Variants in VAT1L observed in about 807,000 individuals in gnomAD.
VAT1L encodes vesicle amine transport 1 like.
Under a neutral mutation model 44.1 loss-of-function variants are expected in VAT1L, and 34 were observed. The observed-to-expected ratio is 0.77, with a 90% confidence interval of 0.59 to 1.03. VAT1L has a LOEUF of 1.03. Among genes scored for constraint, VAT1L ranks in the 50% least tolerant of loss-of-function variants. The probability of loss-of-function intolerance (pLI) is 0.00; values close to 1 mark genes in which losing one functional copy is unlikely to be tolerated. For synonymous variants in VAT1L, 253 were observed against 202.2 expected, an observed-to-expected ratio of 1.25 and a Z score of -2.13; for missense variants, 615 against 538.8, an observed-to-expected ratio of 1.14 and a Z score of -1.40.
intron 1 of VAT1L, among the ~76,000 whole-genome samples, chr16:77,794,648 G>C (rs1393774652): frequency 6.6e-6 from 1 of 152,178 alleles, no homozygotes; most frequent in Non-Finnish European, 1.5e-5. Context: ...GCATCCATGA[G>C]GTTAAGATGT....
intron 8 of VAT1L, among the ~76,000 whole-genome samples, chr16:77,972,657 T>G (rs1045392162): frequency 7.0e-4 from 107 of 152,164 alleles, no homozygotes; most frequent in African/African-American, 2.5e-3. Flanking sequence ...GTCAGGTGCC[T>G]GTAATCCCAG....
intron 7 of VAT1L, among the ~76,000 whole-genome samples, chr16:77,894,231 G>A (rs904267643): frequency 2.0e-5 from 3 of 152,232 alleles, no homozygotes; most frequent in Non-Finnish European, 2.9e-5. Flanking sequence ...CAGAAAGGCA[G>A]CAGTAAAGGA....
intron 1 of VAT1L, among the ~76,000 whole-genome samples, chr16:77,799,707 A>G (rs1258842494): frequency 1.3e-5 from 2 of 152,150 alleles, no homozygotes; most frequent in Non-Finnish European, 2.9e-5. Context: ...GTAAAAAGTG[A>G]AGAATCGGAG....
intron 3 of VAT1L, among the ~76,000 whole-genome samples, chr16:77,848,936 A>T (rs1272828655): frequency 1.3e-5 from 2 of 152,222 alleles, no homozygotes; most frequent in Non-Finnish European, 2.9e-5. Context: ...AAACTAACAC[A>T]GGAACAGAAA....
At chr16:77,917,509 A>G (rs1045059474) in intron 7 of VAT1L, among the ~76,000 whole-genome samples, 2 of 152,208 alleles carry the variant, frequency 1.3e-5, no homozygotes, top group African/African-American at 4.8e-5. Context: ...TCAACTTCAA[A>G]TCATTGCAAT....
chr16:77,825,574 G>T lies in VAT1L; in HGVS notation c.579+113G>T. On this transcript the variant is annotated intron_variant, in intron 3 of 8. Transcript: ENST00000302536. ...TCCTTTAGCAGGAATCATCACTATG[G>T]TTCTGGTAGAGTTCACATGGACAGC... 6.5e-6 allele frequency: 8 copies of T among 1,236,050 alleles called. No individual in the cohort carries two copies. The South Asian group carries it at 1.1e-4, about 17-fold the overall frequency. 76.6% of individuals were successfully genotyped at this position (1,236,050 alleles called of 1,614,324 possible).
chr16:77,817,196 A>T, intron 2 of VAT1L, 146 bp downstream of exon 2: 1 of 1,300,412 alleles, frequency 7.7e-7, no homozygotes, highest in Non-Finnish European at 1.0e-6. Context: ...CAATGTTTAT[A>T]GTCATTAAGG....
intron 1 of VAT1L, among the ~76,000 whole-genome samples, chr16:77,811,997 C>G (rs919526691): frequency 2.0e-5 from 3 of 152,070 alleles, no homozygotes; most frequent in African/African-American, 7.2e-5. Context: ...AACTCCACCG[C>G]TAATTGATGG....
At chr16:77,859,982 A>T (rs970061405) in intron 3 of VAT1L, among the ~76,000 whole-genome samples, 1 of 152,132 alleles carries the variant, frequency 6.6e-6, no homozygotes, top group Non-Finnish European at 1.5e-5. Context: ...AGGTCACTGG[A>T]GTGGGCCCTC....
intron 7 of VAT1L, among the ~76,000 whole-genome samples, chr16:77,908,100 G>A (rs2017456969): frequency 6.6e-6 from 1 of 152,034 alleles, no homozygotes; most frequent in African/African-American, 2.4e-5. Context: ...TCAGCCGGGT[G>A]TGGTGGCGGA....
rs1283072301 is a variant in VAT1L, at chr16:77,971,868, C to T, written c.1096C>T (p.Arg366Trp). The change falls in exon 8 of 9, where the codon CGG (arginine) becomes TGG (tryptophan). Residue 366 changes from arginine to tryptophan, a missense_variant. By Grantham distance (101) the Arg-to-Trp change is moderately radical. Transcript: ENST00000302536. ...ALEEVKEAMQ[R>W]IHDRGNIGKL... Reference sequence around the variant, plus strand: ...CGCGCAGGTGAAGGAGGCCATGCAGCGGATTCACGACCGAGGGAACATTGG... The same window carrying T: ...CGCGCAGGTGAAGGAGGCCATGCAGTGGATTCACGACCGAGGGAACATTGG... 5 of 1,613,514 alleles carry T rather than the reference C, an allele frequency of 3.1e-6. No individual in the cohort carries two copies. The highest frequency in any genetic ancestry group is 2.5e-6 in the Non-Finnish European group (3 of 1,179,790).
chr16:77,942,422 T>C (rs951808401), intron 7 of VAT1L, among the ~76,000 whole-genome samples: 12 of 150,888 alleles, frequency 8.0e-5, no homozygotes, highest in Middle Eastern at 3.4e-3. Context: ...CCACACCATA[T>C]CAATCAGTGA....
rs201124297 is a variant in VAT1L at position 77,884,748 on chromosome 16, C to G, written c.1023C>G (p.Leu341=). The G allele has an allele frequency of 1.3e-5, 20 of 1,592,012 alleles. No individual in the cohort carries two copies. In the East Asian group the frequency reaches 4.4e-4, roughly 35 times the overall value. ...GAGTGGTGGAAAAACTCATAGGGCT[C>G]TACAACCAGAAGAAGATCAAGCCTG... ...IRGVVEKLIG[L]YNQKKIKPVV... Residue 341 remains leucine, a synonymous_variant, in exon 7 of 9, where the codon CTC becomes CTG. Transcript: ENST00000302536. The surrounding 1 kb of genome is among the most constrained non-coding windows in gnomAD (Gnocchi z 4.5).
chr16:77,898,248 T>A (rs746164657), intron 7 of VAT1L, among the ~76,000 whole-genome samples: 7 of 152,108 alleles, frequency 4.6e-5, no homozygotes, highest in Non-Finnish European at 7.3e-5. Context: ...TAATTACATC[T>A]CCACAATCTC....
intron 7 of VAT1L, among the ~76,000 whole-genome samples, chr16:77,959,515 T>C (rs937865633): frequency 6.6e-6 from 1 of 152,228 alleles, no homozygotes; most frequent in Non-Finnish European, 1.5e-5. Context: ...TTTCTTCTTT[T>C]TCAAAGCTTT....
chr16:77,949,932 G>A (rs1490500763), intron 7 of VAT1L, among the ~76,000 whole-genome samples: 2 of 152,160 alleles, frequency 1.3e-5, no homozygotes, highest in Non-Finnish European at 2.9e-5. Context: ...TTATTTTGGT[G>A]TTACTTACAC....
intron 7 of VAT1L, among the ~76,000 whole-genome samples, chr16:77,937,715 C>T (rs2142508423): frequency 6.6e-6 from 1 of 152,338 alleles, no homozygotes; most frequent in South Asian, 2.1e-4. Flanking sequence ...TGCCAGGGGG[C>T]CCTTCCCACC....
intron 7 of VAT1L, among the ~76,000 whole-genome samples, chr16:77,923,114 C>G (rs1388601380): frequency 1.3e-5 from 2 of 152,140 alleles, no homozygotes; most frequent in East Asian, 3.9e-4. Flanking sequence ...GTGTGACCCC[C>G]CGAACCTCGG....
chr16:77,922,635 G>T (rs890328028), intron 7 of VAT1L, among the ~76,000 whole-genome samples: 1 of 152,194 alleles, frequency 6.6e-6, no homozygotes, highest in Non-Finnish European at 1.5e-5. Context: ...CGAAAATAGG[G>T]CAAAGGGAGA....
Sources: gnomAD v4.1 joint callset for allele counts (sites outside exome capture counted in the v4.1 genomes callset) on GRCh38, gnomAD v4.1.1 for gene constraint, Gnocchi (gnomAD v3.1) non-coding constraint, MANE v1.5 for transcripts, NCBI Gene and HGNC (gene_info 2026-07-23, HGNC 2026-07-21) for gene names.